Variants in HTR2C observed in about 807,000 individuals in gnomAD.
HTR2C encodes 5-hydroxytryptamine (serotonin) receptor 2C, G protein-coupled.
A neutral mutation model predicts 21.0 loss-of-function variants in HTR2C; 5 were observed. That is an observed-to-expected ratio of 0.24 (90% CI 0.12 to 0.50). The LOEUF (loss-of-function observed/expected upper bound fraction) is 0.50, where lower values mean the gene tolerates loss of function less well. Among genes scored for constraint, HTR2C ranks in the 20% least tolerant of loss-of-function variants. The pLI is 0.98. For missense variants in HTR2C, 271 were observed against 371.2 expected, an observed-to-expected ratio of 0.73 and a Z score of 2.22; for synonymous variants, 150 against 145.3, an observed-to-expected ratio of 1.03 and a Z score of -0.23.
At chrX:114,835,949 G>T (rs1308716122) in intron 4 of HTR2C, among the ~76,000 whole-genome samples, 1 of 108,716 alleles carries the variant, frequency 9.2e-6, no homozygotes, top group Non-Finnish European at 1.9e-5. Flanking sequence ...CTGCAGGTCT[G>T]TTGGAATACC....
chrX:114,724,110 G>A (rs1333058542), intron 2 of HTR2C, among the ~76,000 whole-genome samples: 1 of 106,137 alleles, frequency 9.4e-6, no homozygotes, highest in Non-Finnish European at 1.9e-5. Flanking sequence ...AATGTTGACA[G>A]TGGGGTGTTA....
At chrX:114,858,855 T>C (rs782325039) in intron 5 of HTR2C, among the ~76,000 whole-genome samples, 25 of 111,074 alleles carry the variant, frequency 2.3e-4, no homozygotes, top group Non-Finnish European at 4.4e-4. Flanking sequence ...TTTTATTCTA[T>C]ATTTTCTGTG....
At chrX:114,757,265 A>G (rs1212437941) in intron 4 of HTR2C, among the ~76,000 whole-genome samples, 1 of 111,517 alleles carries the variant, frequency 9.0e-6, no homozygotes, top group African/African-American at 3.2e-5. Flanking sequence ...TTAAATTGTG[A>G]AAAGAAAACC....
intron 5 of HTR2C, among the ~76,000 whole-genome samples, chrX:114,871,341 A>C (rs2071090086): frequency 8.9e-6 from 1 of 112,145 alleles, no homozygotes; most frequent in African/African-American, 3.2e-5. Flanking sequence ...GTAAACTAAA[A>C]TATGCACTGT....
chrX:114,614,608 T>C (rs1478620184), intron 2 of HTR2C, among the ~76,000 whole-genome samples: 10 of 111,414 alleles, frequency 9.0e-5, no homozygotes, highest in Admixed American at 8.7e-4. Context: ...GTAGGAAATC[T>C]AGCTGTTGTT....
chrX:114,899,697 T>A (rs1484537031), intron 5 of HTR2C, among the ~76,000 whole-genome samples: 1 of 110,840 alleles, frequency 9.0e-6, no homozygotes, highest in African/African-American at 3.3e-5. Context: ...ATCGGTTGAG[T>A]TGTTTCCCTG....
intron 2 of HTR2C, among the ~76,000 whole-genome samples, chrX:114,674,972 C>T (rs1477033965): frequency 2.7e-5 from 3 of 112,171 alleles, no homozygotes; most frequent in East Asian, 2.8e-4. Context: ...ATCTAAACTT[C>T]GAAGAAATAC....
At chrX:114,665,971 G>C (rs1931161934) in intron 2 of HTR2C, among the ~76,000 whole-genome samples, 2 of 111,754 alleles carry the variant, frequency 1.8e-5, no homozygotes, top group Non-Finnish European at 3.8e-5. Flanking sequence ...GGAAATTAAA[G>C]CCCACTTTCT....
intron 4 of HTR2C, among the ~76,000 whole-genome samples, chrX:114,741,096 G>A (rs1556425244): frequency 9.0e-6 from 1 of 111,384 alleles, no homozygotes; most frequent in Non-Finnish European, 1.9e-5. Flanking sequence ...TGTATACTTT[G>A]AATTATGTCC....
chrX:114,841,105 A>G (rs2147482415), intron 4 of HTR2C, among the ~76,000 whole-genome samples: 1 of 111,775 alleles, frequency 8.9e-6, no homozygotes, highest in South Asian at 3.7e-4. Flanking sequence ...CAACAGCCAC[A>G]TTTCACCTTA....
At chrX:114,782,322 G>A (rs2070128153) in intron 4 of HTR2C, among the ~76,000 whole-genome samples, 1 of 111,260 alleles carries the variant, frequency 9.0e-6, no homozygotes, top group South Asian at 3.8e-4. Context: ...AAAGGAAAGT[G>A]AATCTAGATA....
intron 4 of HTR2C, among the ~76,000 whole-genome samples, chrX:114,761,875 ATATATATATATATGTG>A (rs2069871211): frequency 5.7e-5 from 5 of 87,290 alleles, no homozygotes; most frequent in Non-Finnish European, 1.1e-4. Context: ...CTCTCTCTCT[ATATATATATATATGTG>A]TATATATACA....
chrX:114,883,991 A>G lies in HTR2C; in HGVS notation c.551-22598A>G, dbSNP rs782407008. ...CTCTGCTTCTATGAGTTAGACTGTA[A>G]TTATAGAGTTCACATATAAATGAGA... is the stretch of plus-strand genomic sequence containing the variant. On this transcript the variant is annotated intron_variant, in intron 5 of 5. Transcript: ENST00000276198. 5.4e-4 allele frequency among the ~76,000 whole-genome samples: 60 copies of G among 110,650 alleles called. No individual in the cohort carries two copies. In the South Asian group the frequency reaches 0.016, roughly 29 times the overall value.
chrX:114,799,791 G>T (rs915995093), intron 4 of HTR2C, among the ~76,000 whole-genome samples: 1 of 110,525 alleles, frequency 9.0e-6, no homozygotes, highest in African/African-American at 3.3e-5. Context: ...ATTATAATTT[G>T]TCTATTTGTA....
intron 4 of HTR2C, among the ~76,000 whole-genome samples, chrX:114,782,007 T>C (rs782074225): frequency 9.3e-6 from 1 of 107,702 alleles, no homozygotes; most frequent in Admixed American, 1.0e-4. Context: ...AAAATAAATC[T>C]ACACCTAGAT....
chrX:114,794,265 T>C, intron 4 of HTR2C, among the ~76,000 whole-genome samples: 1 of 111,415 alleles, frequency 9.0e-6, no homozygotes, highest in East Asian at 2.8e-4. Context: ...CTATTATGCT[T>C]GTTTTTGCTA....
intron 2 of HTR2C, among the ~76,000 whole-genome samples, chrX:114,634,400 T>C (rs940432207): frequency 3.6e-5 from 4 of 112,002 alleles, no homozygotes. Flanking sequence ...TTTGCAGAAA[T>C]ATTAATAACT....
chrX:114,895,979 ACT>A (rs782169687), intron 5 of HTR2C, among the ~76,000 whole-genome samples: 77 of 102,682 alleles, frequency 7.5e-4, no homozygotes, highest in African/African-American at 2.6e-3. Context: ...ACAGAGTGAG[ACT>A]CTGTCTCAAA....
At chrX:114,806,053 T>TACCATACATAC in intron 4 of HTR2C, among the ~76,000 whole-genome samples, 1 of 36,902 alleles carries the variant, frequency 2.7e-5, no homozygotes, top group Non-Finnish European at 5.9e-5. Flanking sequence ...ACCATATGCA[T>TACCATACATAC]ACCATATATA....
Sources: gnomAD v4.1 joint callset for allele counts (sites outside exome capture counted in the v4.1 genomes callset) on GRCh38, gnomAD v4.1.1 for gene constraint, MANE v1.5 for transcripts, NCBI Gene and HGNC (gene_info 2026-07-23, HGNC 2026-07-21) for gene names.